The following SUPT3H variants were observed in gnomAD, a reference collection of about 807,000 sequenced individuals.
SUPT3H encodes the protein SPT3 homolog, SAGA and STAGA complex component, also known as transcription initiation protein SPT3 homolog.
Under a neutral mutation model 44.3 loss-of-function variants are expected in SUPT3H, and 44 were observed. The ratio of observed to expected loss-of-function variants is 0.99; its 90% CI spans 0.78 to 1.28. SUPT3H has a LOEUF of 1.28. Among genes scored for constraint, SUPT3H ranks in the 50% most tolerant of loss-of-function variants. The pLI, the probability that SUPT3H is intolerant of heterozygous loss-of-function variation, is 0.00. For synonymous variants in SUPT3H, 124 were observed against 125.6 expected (o/e 0.99, Z 0.09); for missense variants, 380 against 387.1 (o/e 0.98, Z 0.15).
intron 2 of SUPT3H, among the ~76,000 whole-genome samples, chr6:45,223,041 G>A (rs559468586): frequency 6.6e-6 from 1 of 152,064 alleles, no homozygotes; most frequent in South Asian, 2.1e-4. Context: ...AGGGAAAGAG[G>A]TAGAGAATAT....
chr6:45,234,017 C>A (rs953451032), intron 2 of SUPT3H, among the ~76,000 whole-genome samples: 1 of 152,148 alleles, frequency 6.6e-6, no homozygotes, highest in Non-Finnish European at 1.5e-5. Flanking sequence ...AAAATAGTCA[C>A]CTAGTCCTTG....
intron 2 of SUPT3H, among the ~76,000 whole-genome samples, chr6:45,264,149 C>T (rs1774866211): frequency 6.6e-6 from 1 of 152,016 alleles, no homozygotes; most frequent in Non-Finnish European, 1.5e-5. Context: ...GAAATGAAAA[C>T]ACTTATTTTT....
intron 3 of SUPT3H, among the ~76,000 whole-genome samples, chr6:45,080,800 A>C (rs1318569108): frequency 3.9e-5 from 6 of 152,056 alleles, no homozygotes; most frequent in Admixed American, 3.9e-4. Flanking sequence ...AAGTGGAGGT[A>C]AAGTGGGGAT....
At chr6:45,023,372 G>A (rs1028588516) in intron 3 of SUPT3H, among the ~76,000 whole-genome samples, 5 of 152,044 alleles carry the variant, frequency 3.3e-5, no homozygotes, top group Non-Finnish European at 7.4e-5. Flanking sequence ...GCGGTATGGT[G>A]ATTCCTCAGA....
In SUPT3H at chr6:44,987,774, G is replaced by A. The variant is rs112435978; in HGVS notation, c.504+15879C>T. ...TAATGTATGTCGGTGCTCTGGTAGCGTGTGAAAGTACTCTTCCGATTACTT... is the reference window on the plus strand; with the variant it reads ...TAATGTATGTCGGTGCTCTGGTAGCATGTGAAAGTACTCTTCCGATTACTT... On this transcript the variant is annotated intron_variant, in intron 6 of 10. Coordinates refer to ENST00000371459, the MANE Select transcript of SUPT3H (RefSeq NM_003599.4). Among the ~76,000 whole-genome samples the A allele has an allele frequency of 5.5e-3, 837 of 152,178 alleles. 12 individuals carry two copies. Among genetic ancestry groups the A allele is most frequent in the African/African-American group, 0.019 (795 of 41,538 alleles).
intron 9 of SUPT3H, among the ~76,000 whole-genome samples, chr6:44,949,064 A>T (rs1295167213): frequency 6.6e-6 from 1 of 152,214 alleles, no homozygotes; most frequent in Admixed American, 6.5e-5. Context: ...TGCAGCCATA[A>T]AAAAGGATGA....
intron 10 of SUPT3H, among the ~76,000 whole-genome samples, chr6:44,857,132 ATTTTC>A (rs1773873940): frequency 6.6e-6 from 1 of 151,944 alleles, no homozygotes; most frequent in Non-Finnish European, 1.5e-5. Flanking sequence ...TAATTGGTAA[ATTTTC>A]TTTTTTATTG....
chr6:45,263,991 C>A (rs1241833761), intron 2 of SUPT3H, among the ~76,000 whole-genome samples: 8 of 152,062 alleles, frequency 5.3e-5, no homozygotes, highest in Non-Finnish European at 5.9e-5. Context: ...AGGATCGATT[C>A]TCCAACATAA....
intron 2 of SUPT3H, among the ~76,000 whole-genome samples, chr6:45,132,273 G>C (rs756964847): frequency 2.0e-5 from 3 of 152,140 alleles, no homozygotes; most frequent in African/African-American, 4.8e-5. Flanking sequence ...AGGAAGTGTT[G>C]CTTTGTCAGA....
intron 10 of SUPT3H, among the ~76,000 whole-genome samples, chr6:44,833,597 A>AG: frequency 6.6e-6 from 1 of 152,270 alleles, no homozygotes; most frequent in East Asian, 1.9e-4. Flanking sequence ...CAAAGTAGGG[A>AG]GGGGCAAAGA....
At chr6:45,277,199 A>AAT (rs1777161521) in intron 2 of SUPT3H, among the ~76,000 whole-genome samples, 1 of 152,230 alleles carries the variant, frequency 6.6e-6, no homozygotes, top group Non-Finnish European at 1.5e-5. Flanking sequence ...TAGTTAAGAT[A>AAT]AATTCTAATA....
chr6:44,948,951 T>C (rs971550992), intron 9 of SUPT3H, among the ~76,000 whole-genome samples: 5 of 152,210 alleles, frequency 3.3e-5, no homozygotes, highest in African/African-American at 1.2e-4. Flanking sequence ...CATATGTTTA[T>C]TGTGGCACTA....
At chr6:44,836,636 T>C (rs1769960878) in intron 10 of SUPT3H, among the ~76,000 whole-genome samples, 1 of 152,182 alleles carries the variant, frequency 6.6e-6, no homozygotes, top group Non-Finnish European at 1.5e-5. Context: ...GTTTTGGCAG[T>C]CTGAATACAA....
chr6:45,057,043 AGT>A (rs1348810539), intron 3 of SUPT3H, among the ~76,000 whole-genome samples: 1 of 152,138 alleles, frequency 6.6e-6, no homozygotes, highest in Non-Finnish European at 1.5e-5. Flanking sequence ...GATGTATTTG[AGT>A]GTATTTCACA....
In SUPT3H at chr6:45,058,138, T is replaced by C. The variant is rs543572046; in HGVS notation, c.187-37506A>G. Among the ~76,000 whole-genome samples, 14 of 152,184 alleles carry C rather than the reference T, an allele frequency of 9.2e-5. No homozygotes were observed. The East Asian group carries it at 2.7e-3, about 29-fold the overall frequency. Reference sequence around the variant, plus strand: ...TTATTTTGATAGAAAACAGATTCCATTTTAAACTCCTTATTATTGGAAAGA... The same window carrying C: ...TTATTTTGATAGAAAACAGATTCCACTTTAAACTCCTTATTATTGGAAAGA... On this transcript the variant is annotated intron_variant, in intron 3 of 10. Transcript: ENST00000371459.
chr6:44,938,627 G>A (rs1275721332), intron 9 of SUPT3H, among the ~76,000 whole-genome samples: 1 of 151,950 alleles, frequency 6.6e-6, no homozygotes, highest in Admixed American at 6.6e-5. Flanking sequence ...TTGGTATTTT[G>A]ATAGAGATTG....
chr6:45,234,175 A>G lies in SUPT3H; in HGVS notation c.102-128169T>C, dbSNP rs1306293263. ...TCATAAAATATATTGCTCAGTAAAT[A>G]CTAACATTATATTCAATTATTGTCT... is the stretch of plus-strand genomic sequence containing the variant. On this transcript the variant is annotated intron_variant, in intron 2 of 10. Coordinates refer to ENST00000371459, the MANE Select transcript of SUPT3H (RefSeq NM_003599.4). Among the ~76,000 whole-genome samples, 4 of 152,228 alleles carry G rather than the reference A, an allele frequency of 2.6e-5. No homozygotes were observed. In the East Asian group the frequency reaches 5.8e-4, roughly 22 times the overall value.
intron 3 of SUPT3H, among the ~76,000 whole-genome samples, chr6:45,052,096 A>G (rs1407862988): frequency 2.6e-5 from 4 of 152,166 alleles, no homozygotes; most frequent in African/African-American, 9.7e-5. Flanking sequence ...AGAGGGAATC[A>G]CCTAGGTATT....
chr6:45,342,740 TTAA>T (rs35113490), intron 2 of SUPT3H, among the ~76,000 whole-genome samples: 20,422 of 152,046 alleles, frequency 0.13, 1,566 homozygotes, highest in East Asian at 0.26. Context: ...ATAGTTTGCG[TTAA>T]TGTTTTAAAA....
Sources: allele counts gnomAD v4.1 joint callset (sites outside exome capture counted in the v4.1 genomes callset), GRCh38; gene constraint gnomAD v4.1.1; transcripts MANE v1.5; gene names NCBI Gene and HGNC (gene_info 2026-07-23, HGNC 2026-07-21).